TRIM14: variants seen among roughly 807,000 people sequenced by gnomAD.
TRIM14 encodes tripartite motif containing 14.
TRIM14 carries 28 observed loss-of-function variants against 44.5 expected under a neutral mutation model. The observed-to-expected ratio is 0.63, with a 90% CI of 0.47 to 0.86. The LOEUF is 0.86. Among genes scored for constraint, TRIM14 ranks in the 40% least tolerant of loss-of-function variants. TRIM14 has a pLI of 0.00. For synonymous variants in TRIM14, 299 were observed against 269.2 expected, an observed-to-expected ratio of 1.11 and a Z score of -1.08; for missense variants, 607 against 611.1, an observed-to-expected ratio of 0.99 and a Z score of 0.07.
rs769990058 is a variant in TRIM14, at chr9:98,087,495, GC to G, written c.1303del (p.Ala435ProfsTer43). ...LYPALRLWEGAISIPRLP is the reference protein window; with the variant it reads ...LYPALRLWEGXISIPRLP ...CTAGGGCAGCCGGGGGATGCTGATG[GC>G]CCCCTCCCAGAGCCGCAGGGCCGGG... On this transcript the variant is annotated frameshift_variant, in exon 6 of 6. Coordinates refer to ENST00000341469, the MANE Select transcript of TRIM14 (RefSeq NM_014788.4). LOFTEE classifies it high-confidence loss of function. The G allele has an allele frequency of 6.2e-7, 1 of 1,601,452 alleles. No homozygotes were observed. Among genetic ancestry groups the G allele is most frequent in the Non-Finnish European group, 8.5e-7 (1 of 1,173,820 alleles).
chr9:98,111,051 C>A (rs530100329), intron 1 of TRIM14, among the ~76,000 whole-genome samples: 1 of 150,644 alleles, frequency 6.6e-6, no homozygotes, highest in Non-Finnish European at 1.5e-5. Flanking sequence ...GACCCTGTCC[C>A]CCCCCCCAAA....
chr9:98,040,999 G>A, the TRIM14 span, among the ~76,000 whole-genome samples: 1 of 152,094 alleles, frequency 6.6e-6, no homozygotes, highest in East Asian at 1.9e-4. Flanking sequence ...ATGTTGGCAA[G>A]GCTGGTCTCA....
downstream of TRIM14, among the ~76,000 whole-genome samples, chr9:98,068,144 T>G (rs991369408): frequency 6.6e-6 from 1 of 152,188 alleles, no homozygotes; most frequent in Non-Finnish European, 1.5e-5. Flanking sequence ...CTCATTTATT[T>G]TTATTTTTGA....
the TRIM14 span, among the ~76,000 whole-genome samples, chr9:98,040,124 A>T: frequency 6.6e-6 from 1 of 152,022 alleles, no homozygotes; most frequent in Non-Finnish European, 1.5e-5. Context: ...GATTACAGGC[A>T]TGAGCCACTG....
chr9:98,109,812 C>G, intron 2 of TRIM14, 77 bp downstream of exon 2: 1 of 1,190,576 alleles, frequency 8.4e-7, no homozygotes, highest in Non-Finnish European at 1.2e-6. Flanking sequence ...TTTTCATTGG[C>G]TCCATATTGG....
At chr9:98,082,906 A>T, downstream of TRIM14, 1 of 1,614,216 alleles carries the variant, frequency 6.2e-7, no homozygotes, top group Non-Finnish European at 8.5e-7. Context: ...AACAATGGAC[A>T]TGCTCACCGT....
At chr9:98,088,300 G>GGT (rs976883581) in intron 5 of TRIM14, among the ~76,000 whole-genome samples, 1 of 152,004 alleles carries the variant, frequency 6.6e-6, no homozygotes, top group African/African-American at 2.4e-5. Context: ...TTAACATTAG[G>GGT]GTGTGTGTAC....
intron 5 of TRIM14, among the ~76,000 whole-genome samples, chr9:98,088,367 T>G (rs1825875645): frequency 6.6e-6 from 1 of 152,168 alleles, no homozygotes; most frequent in Non-Finnish European, 1.5e-5. Flanking sequence ...TTTTTTTTCT[T>G]TTTTTGAAAC....
At chr9:98,065,308 CTTTTTTTT>C (rs758040892), downstream of TRIM14, among the ~76,000 whole-genome samples, 8 of 92,764 alleles carry the variant, frequency 8.6e-5, 1 homozygote, top group Non-Finnish European at 1.2e-4. Flanking sequence ...ACTCCTGGTG[CTTTTTTTT>C]TTTTTTTTTT....
At chr9:98,076,970 C>G in intron 6 of TRIM14, 1 of 1,611,558 alleles carries the variant, frequency 6.2e-7, no homozygotes, top group Non-Finnish European at 8.5e-7. Context: ...AAAGTTGGAT[C>G]TGGAGACACT....
At chr9:98,062,401 C>T in the TRIM14 span, among the ~76,000 whole-genome samples, 2 of 152,020 alleles carry the variant, frequency 1.3e-5, no homozygotes, top group Non-Finnish European at 2.9e-5. Context: ...GGTCTCAGGT[C>T]CCATCTGCTC....
chr9:98,073,427 GAC>G (rs1829439474), intron 6 of TRIM14, among the ~76,000 whole-genome samples: 1 of 151,676 alleles, frequency 6.6e-6, no homozygotes, highest in Admixed American at 6.6e-5. Context: ...TGGGATTACA[GAC>G]ACACACCAAC....
At chr9:98,057,921 G>GTTTT in the TRIM14 span, among the ~76,000 whole-genome samples, 23 of 87,456 alleles carry the variant, frequency 2.6e-4, 1 homozygote, top group Admixed American at 2.1e-3. Flanking sequence ...TTTTTTTCCT[G>GTTTT]GTTTTTTTTT....
chr9:98,107,837 ATT>A (rs35567100), intron 2 of TRIM14, among the ~76,000 whole-genome samples: 3 of 149,596 alleles, frequency 2.0e-5, no homozygotes, highest in Admixed American at 6.7e-5. Context: ...ATTTTTTTGT[ATT>A]TTTTTTTTAG....
Position 98,095,345 on chromosome 9 carries a change from G to T in TRIM14, c.538-316C>A, listed in dbSNP as rs371062338. On this transcript the variant is annotated intron_variant, in intron 3 of 5. Transcript: ENST00000341469. The surrounding 1 kb of genome is among the most constrained non-coding windows in gnomAD (Gnocchi z 4.1). ...TCTGTGCCAGCTATGCATGCAGAAG[G>T]CAGGGTCAGGCTGACACGGGGCCCT... Among the ~76,000 whole-genome samples the T allele has an allele frequency of 1.3e-5, 2 of 152,342 alleles. No individual in the cohort carries two copies. Among genetic ancestry groups the T allele is most frequent in the Non-Finnish European group, 2.9e-5 (2 of 68,030 alleles).
intron 6 of TRIM14, among the ~76,000 whole-genome samples, chr9:98,078,836 G>GA (rs11424970): frequency 0.42 from 51,585 of 122,920 alleles, 12,293 homozygotes; most frequent in African/African-American, 0.67. Flanking sequence ...CTCTCAGGGG[G>GA]AAAAAAAAAA....
chr9:98,061,679 C>T, the TRIM14 span, among the ~76,000 whole-genome samples: 1 of 150,464 alleles, frequency 6.6e-6, no homozygotes, highest in Admixed American at 6.7e-5. Flanking sequence ...ACTTGGGAGG[C>T]TGAGGCAGGA....
the TRIM14 span, among the ~76,000 whole-genome samples, chr9:98,038,921 G>A: frequency 2.0e-5 from 3 of 151,734 alleles, no homozygotes; most frequent in Non-Finnish European, 4.4e-5. Context: ...GTGGTAGCAG[G>A]TGCCTGTAGT....
chr9:98,082,924 G>T, downstream of TRIM14: 1 of 1,614,192 alleles, frequency 6.2e-7, no homozygotes, highest in African/African-American at 1.3e-5. Context: ...CGTGAAGGTG[G>T]GTGAGCCCAA....
Sources: gnomAD v4.1 joint callset for allele counts (sites outside exome capture counted in the v4.1 genomes callset) on GRCh38, gnomAD v4.1.1 for gene constraint, Gnocchi (gnomAD v3.1) non-coding constraint, MANE v1.5 for transcripts, NCBI Gene and HGNC (gene_info 2026-07-23, HGNC 2026-07-21) for gene names.